The following HSD17B12 variants were observed in gnomAD, a reference collection of about 807,000 sequenced individuals.
The protein encoded by HSD17B12 is very-long-chain 3-oxoacyl-CoA reductase.
HSD17B12 carries 32 observed loss-of-function variants against 39.3 expected under a neutral mutation model. That is an observed-to-expected ratio of 0.81 (90% CI 0.61 to 1.09). The LOEUF (loss-of-function observed/expected upper bound fraction) is 1.09, where lower values mean the gene tolerates loss of function less well. HSD17B12 is among the 50% of genes least tolerant of loss of function. The pLI, the probability that HSD17B12 is intolerant of heterozygous loss-of-function variation, is 0.00. For synonymous variants in HSD17B12, 150 were observed against 146.7 expected, an observed-to-expected ratio of 1.02 and a Z score of -0.16; for missense variants, 342 against 382.9, an observed-to-expected ratio of 0.89 and a Z score of 0.89.
chr11:43,751,920 A>C (rs1304951026), intron 2 of HSD17B12, among the ~76,000 whole-genome samples: 1 of 152,222 alleles, frequency 6.6e-6, no homozygotes, highest in Non-Finnish European at 1.5e-5. Flanking sequence ...GTGACACAAT[A>C]CTGTTGCATA....
At position 43,752,609 on chromosome 11, in the gene HSD17B12, G is replaced by A. The variant is rs1187077363; in HGVS notation, c.208-1437G>A. Among the ~76,000 whole-genome samples the A allele has an allele frequency of 5.3e-5, 8 of 152,098 alleles. No individual in the cohort carries two copies. In the East Asian group the frequency reaches 1.4e-3, roughly 26 times the overall value. On this transcript the variant is annotated intron_variant, in intron 2 of 10. Transcript: ENST00000278353. ...GGTGCTTGTAATCCCAGCTACTCAG[G>A]AGGCTGAGGCAGGAGAATCGCTTGA... is the stretch of plus-strand genomic sequence containing the variant.
chr11:43,764,754 A>AGT (rs1186505442), intron 3 of HSD17B12, among the ~76,000 whole-genome samples: 1 of 152,128 alleles, frequency 6.6e-6, no homozygotes, highest in Non-Finnish European at 1.5e-5. Context: ...TCTTTTGATT[A>AGT]GTGTTAGCAT....
chr11:43,725,005 G>A (rs948714330), intron 1 of HSD17B12, among the ~76,000 whole-genome samples: 33 of 152,124 alleles, frequency 2.2e-4, no homozygotes, highest in African/African-American at 7.7e-4. Flanking sequence ...TTACTGAGTA[G>A]CTACTTGAGG....
intron 1 of HSD17B12, among the ~76,000 whole-genome samples, chr11:43,716,688 A>G (rs1387031317): frequency 6.7e-6 from 1 of 149,304 alleles, no homozygotes; most frequent in Non-Finnish European, 1.5e-5. Flanking sequence ...AATAAATTAT[A>G]CTGTACTCAA....
the HSD17B12 span, among the ~76,000 whole-genome samples, chr11:43,623,238 A>G: frequency 6.6e-5 from 10 of 152,170 alleles, no homozygotes; most frequent in Non-Finnish European, 1.0e-4. Context: ...GCAGGATTCC[A>G]TGAAAGTCTT....
intron 6 of HSD17B12, among the ~76,000 whole-genome samples, chr11:43,817,807 CT>C (rs368454526): frequency 0.026 from 3,928 of 150,276 alleles, 98 homozygotes; most frequent in South Asian, 0.078. Context: ...TTTGCTTAGT[CT>C]TTTTTTTTGG....
the HSD17B12 span, among the ~76,000 whole-genome samples, chr11:43,564,306 G>C: frequency 6.6e-6 from 1 of 152,136 alleles, no homozygotes; most frequent in Admixed American, 6.5e-5. Flanking sequence ...CTCAGGTCTG[G>C]GGCAGGATTG....
the HSD17B12 span, among the ~76,000 whole-genome samples, chr11:43,634,025 G>T: frequency 4.9e-5 from 6 of 122,708 alleles, no homozygotes; most frequent in African/African-American, 1.9e-4. Context: ...CGTGAGCTGA[G>T]ATCACACCAT....
chr11:43,647,861 A>T, the HSD17B12 span, among the ~76,000 whole-genome samples: 1 of 152,122 alleles, frequency 6.6e-6, no homozygotes, highest in Non-Finnish European at 1.5e-5. Flanking sequence ...CTTATTAATG[A>T]TGAATTTTAT....
chr11:43,828,746 G>T (rs929315938), intron 6 of HSD17B12, among the ~76,000 whole-genome samples: 20 of 152,124 alleles, frequency 1.3e-4, no homozygotes, highest in African/African-American at 3.9e-4. Flanking sequence ...GAAATGCCTG[G>T]TATATTCATA....
intron 3 of HSD17B12, among the ~76,000 whole-genome samples, chr11:43,763,129 T>C (rs1950567730): frequency 6.6e-6 from 1 of 152,168 alleles, no homozygotes. Context: ...GTAAAGTATA[T>C]CTTAACAATT....
chr11:43,827,935 A>G (rs1951262399), intron 6 of HSD17B12, among the ~76,000 whole-genome samples: 1 of 152,156 alleles, frequency 6.6e-6, no homozygotes. Flanking sequence ...ATATAAAGTG[A>G]TAACAATACC....
intron 1 of HSD17B12, among the ~76,000 whole-genome samples, chr11:43,706,504 C>T (rs973345992): frequency 7.9e-5 from 12 of 152,308 alleles, no homozygotes; most frequent in Admixed American, 6.5e-4. Flanking sequence ...GATCACATCA[C>T]TGCACTCTAG....
Position 43,855,352 on chromosome 11 carries a change from T to C in HSD17B12, c.*104T>C. 1 of 593,882 alleles carries C rather than the reference T, an allele frequency of 1.7e-6. No homozygotes were observed. Among genetic ancestry groups the C allele is most frequent in the Non-Finnish European group, 2.9e-6 (1 of 347,054 alleles). 36.8% of individuals were successfully genotyped at this position (593,882 alleles called of 1,614,324 possible). On this transcript the variant is annotated 3_prime_UTR_variant, in exon 11 of 11. Coordinates refer to ENST00000278353, the MANE Select transcript of HSD17B12 (RefSeq NM_016142.3). ...AAATCTGACCTTGTCATTTCAATAG[T>C]TATTAACATGACTAAATATTATCTT...
At chr11:43,618,605 A>C in the HSD17B12 span, among the ~76,000 whole-genome samples, 2 of 152,160 alleles carry the variant, frequency 1.3e-5, no homozygotes, top group Non-Finnish European at 2.9e-5. Context: ...GTCCTACTGA[A>C]GGGTTGGTTA....
the HSD17B12 span, chr11:43,579,522 G>A: frequency 6.6e-6 from 1 of 152,348 alleles, no homozygotes; most frequent in Non-Finnish European, 1.5e-5. Flanking sequence ...CCGAGGTAAG[G>A]AGCAGGGAGT....
At chr11:43,738,981 A>G (rs1950340668) in intron 1 of HSD17B12, among the ~76,000 whole-genome samples, 1 of 152,252 alleles carries the variant, frequency 6.6e-6, no homozygotes, top group Admixed American at 6.5e-5. Flanking sequence ...GCTTTGGGTA[A>G]GGGTTTGGGG....
chr11:43,669,231 T>C, the HSD17B12 span, among the ~76,000 whole-genome samples: 2 of 152,090 alleles, frequency 1.3e-5, no homozygotes, highest in Non-Finnish European at 1.5e-5. Flanking sequence ...CCAGGCAAGG[T>C]GGCTCACGTC....
At chr11:43,678,336 C>T (rs997296234), upstream of HSD17B12, among the ~76,000 whole-genome samples, 1 of 152,084 alleles carries the variant, frequency 6.6e-6, no homozygotes, top group Admixed American at 6.6e-5. Flanking sequence ...GATATTAGCC[C>T]TTTGTAAGAT....
Sources: gnomAD v4.1 joint callset for allele counts (sites outside exome capture counted in the v4.1 genomes callset) on GRCh38, gnomAD v4.1.1 for gene constraint, MANE v1.5 for transcripts, NCBI Gene and HGNC (gene_info 2026-07-23, HGNC 2026-07-21) for gene names.